MAP4: variants seen among roughly 807,000 people sequenced by gnomAD.
MAP4 encodes microtubule associated protein 4, also known as microtubule-associated protein 4.
In MAP4, 76 loss-of-function variants were observed where a neutral mutation model predicts 170.2. That is an observed-to-expected ratio of 0.45 (90% confidence interval 0.37 to 0.54). The LOEUF is 0.54. Ranked by LOEUF, MAP4 falls within the 20% of genes least tolerant of loss-of-function variation. MAP4 has a pLI of 0.00. For synonymous variants in MAP4, 909 were observed against 994.5 expected, an observed-to-expected ratio of 0.91 and a Z score of 1.62; for missense variants, 2,506 against 2,748.0, an observed-to-expected ratio of 0.91 and a Z score of 1.97.
chr3:47,882,343 A>G (rs1183849297), intron 10 of MAP4, among the ~76,000 whole-genome samples: 1 of 152,114 alleles, frequency 6.6e-6, no homozygotes, highest in African/African-American at 2.4e-5. Context: ...CTTAAGTCTG[A>G]TATTTTATTT....
chr3:47,957,894 G>A (rs886412141), intron 3 of MAP4, among the ~76,000 whole-genome samples: 2 of 152,128 alleles, frequency 1.3e-5, no homozygotes, highest in East Asian at 1.9e-4. Flanking sequence ...AAGTATGTGC[G>A]GCTCCACTCA....
chr3:48,065,472 G>C (rs1273940743), intron 1 of MAP4, among the ~76,000 whole-genome samples: 1 of 152,142 alleles, frequency 6.6e-6, no homozygotes, highest in East Asian at 1.9e-4. Context: ...CAAGGCAAGG[G>C]GGACAGAAAT....
intron 1 of MAP4, among the ~76,000 whole-genome samples, chr3:48,008,688 G>T (rs1007511680): frequency 7.2e-5 from 11 of 152,210 alleles, no homozygotes; most frequent in African/African-American, 2.7e-4. Flanking sequence ...CGGAGGAGGG[G>T]TTTAATAATC....
intron 17 of MAP4, among the ~76,000 whole-genome samples, chr3:47,860,461 T>C (rs2063756833): frequency 6.6e-6 from 1 of 152,256 alleles, no homozygotes; most frequent in African/African-American, 2.4e-5. Context: ...CCCAAAGTGC[T>C]TGGATTACAA....
At chr3:48,001,936 G>A (rs2100099385) in intron 1 of MAP4, among the ~76,000 whole-genome samples, 1 of 151,804 alleles carries the variant, frequency 6.6e-6, no homozygotes, top group Admixed American at 6.6e-5. Flanking sequence ...GAGTGCAACG[G>A]CACCATCTCA....
At chr3:47,891,220 C>T in intron 10 of MAP4, 4 of 1,536,164 alleles carry the variant, frequency 2.6e-6, no homozygotes, top group Non-Finnish European at 3.5e-6. Flanking sequence ...GAATCTGCTC[C>T]AGCTTACTAT....
intron 17 of MAP4, among the ~76,000 whole-genome samples, chr3:47,864,506 C>T (rs1327435728): frequency 1.3e-5 from 2 of 152,100 alleles, no homozygotes; most frequent in African/African-American, 4.8e-5. Context: ...GAAACCCCGT[C>T]TCTACTAAAA....
chr3:48,028,235 C>G (rs1288762385), intron 1 of MAP4, among the ~76,000 whole-genome samples: 1 of 151,582 alleles, frequency 6.6e-6, no homozygotes, highest in African/African-American at 2.4e-5. Context: ...GAGGTTGTAG[C>G]GAGCCAAAAT....
At chr3:47,879,197 G>C (rs1396030525) in intron 10 of MAP4, among the ~76,000 whole-genome samples, 1 of 151,610 alleles carries the variant, frequency 6.6e-6, no homozygotes, top group Non-Finnish European at 1.5e-5. Flanking sequence ...ATAAAGCATG[G>C]AGAAATTCTT....
intron 10 of MAP4, among the ~76,000 whole-genome samples, chr3:47,886,517 G>C (rs1391764178): frequency 2.0e-5 from 3 of 152,092 alleles, no homozygotes; most frequent in Non-Finnish European, 4.4e-5. Flanking sequence ...TGCTCAGGCT[G>C]GTCTCAAACT....
rs1356876854 is a variant in MAP4 at position 47,850,793 on chromosome 3, A to T, written c.*2141T>A. The T allele has an allele frequency of 6.6e-6, 1 of 152,486 alleles. No homozygotes were observed. Among genetic ancestry groups the T allele is most frequent in the Admixed American group, 6.5e-5 (1 of 15,316 alleles). 9.4% of individuals were successfully genotyped at this position (152,486 alleles called of 1,614,324 possible). On this transcript the variant is annotated 3_prime_UTR_variant, in exon 21 of 21. Coordinates refer to ENST00000683076, the MANE Select transcript of MAP4 (RefSeq NM_001385682.1). ...ATGGCTGAGCCATAAGCAAATCGAG[A>T]AGTACAGAAATGTCCCACCCCAAAC...
rs2153485995 is a variant in MAP4, at chr3:47,909,407, C to T, written c.5014G>A (p.Glu1672Lys). 1 of 1,613,642 alleles carries T rather than the reference C, an allele frequency of 6.2e-7. No individual in the cohort carries two copies. Among genetic ancestry groups the T allele is most frequent in the Non-Finnish European group, 8.5e-7 (1 of 1,179,640 alleles). The part of the protein sequence containing the change: ...SPKSENDKLK[E>K]ISLACKITEL... ...GTGATTTTACAAGCCAGACTAATTT[C>T]TTTCAATTTATCATTTTCACTTTTT... The change falls in exon 9 of 21, where the codon GAA (glutamate) becomes AAA (lysine). Residue 1672 changes from glutamate to lysine, a missense_variant. By Grantham distance (56) the Glu-to-Lys change is moderately conservative. Transcript: ENST00000683076.
chr3:48,010,091 C>T (rs1334697999), intron 1 of MAP4, among the ~76,000 whole-genome samples: 1 of 152,170 alleles, frequency 6.6e-6, no homozygotes, highest in Non-Finnish European at 1.5e-5. Context: ...TTACCATGCC[C>T]TGTGATTACT....
At chr3:47,948,417 T>A (rs2100061541) in intron 3 of MAP4, among the ~76,000 whole-genome samples, 1 of 151,556 alleles carries the variant, frequency 6.6e-6, no homozygotes, top group Non-Finnish European at 1.5e-5. Flanking sequence ...TAGAGACAGG[T>A]CTCACTATGT....
chr3:47,934,921 A>G (rs572014087), intron 3 of MAP4, among the ~76,000 whole-genome samples: 1 of 152,334 alleles, frequency 6.6e-6, no homozygotes, highest in African/African-American at 2.4e-5. Context: ...TTAGATCACC[A>G]CCATCACCAC....
Position 47,977,882 on chromosome 3 carries a change from T to C in MAP4, c.275A>G (p.Glu92Gly). 1 of 1,612,760 alleles carries C rather than the reference T, an allele frequency of 6.2e-7. No homozygotes were observed. Among genetic ancestry groups the C allele is most frequent in the Middle Eastern group, 1.7e-4 (1 of 6,060 alleles). Reference sequence around the variant, plus strand: ...TCACTTACCTGTAGTATCGCTCCCTTCTACTCCATGACCACCATTGGCTAG... The same window carrying C: ...TCACTTACCTGTAGTATCGCTCCCTCCTACTCCATGACCACCATTGGCTAG... ...TLLANGGHGV[E>G]GSDTTGSPTE... The change falls in exon 3 of 21, where the codon GAA becomes GGA. Residue 92 changes from glutamate (E) to glycine (G), a missense_variant. By Grantham distance (98) the Glu-to-Gly change is moderately conservative. Coordinates refer to ENST00000683076, the MANE Select transcript of MAP4 (RefSeq NM_001385682.1).
At chr3:47,857,307 G>A in intron 18 of MAP4, 124 bp downstream of exon 18, 1 of 741,590 alleles carries the variant, frequency 1.3e-6, no homozygotes, top group Non-Finnish European at 2.4e-6. Context: ...TGGTGTCCTG[G>A]GTAGTCTTCA....
intron 3 of MAP4, chr3:47,973,081 A>C: frequency 1.0e-6 from 1 of 982,076 alleles, no homozygotes; most frequent in South Asian, 4.7e-5. Context: ...CCAGTCCATA[A>C]GGTGTTAATG....
At chr3:48,013,745 G>A (rs1450092135) in intron 1 of MAP4, among the ~76,000 whole-genome samples, 2 of 151,198 alleles carry the variant, frequency 1.3e-5, no homozygotes, top group East Asian at 3.9e-4. Flanking sequence ...CAAAGGGAGG[G>A]ACTGAAAACA....
Sources: allele counts gnomAD v4.1 joint callset (sites outside exome capture counted in the v4.1 genomes callset), GRCh38; gene constraint gnomAD v4.1.1; transcripts MANE v1.5; gene names NCBI Gene and HGNC (gene_info 2026-07-23, HGNC 2026-07-21).